CTNNA2: variants seen among roughly 807,000 people sequenced by gnomAD.
CTNNA2 encodes catenin alpha-2.
In CTNNA2, 42 loss-of-function variants were observed where a neutral mutation model predicts 101.0. The ratio of observed to expected loss-of-function variants is 0.42; its 90% CI spans 0.32 to 0.54. The LOEUF (loss-of-function observed/expected upper bound fraction) is 0.54, where lower values mean the gene tolerates loss of function less well. Ranked by LOEUF, CTNNA2 falls within the 20% of genes least tolerant of loss-of-function variation. The pLI is 0.14. For missense variants in CTNNA2, 871 were observed against 1,223.1 expected (o/e 0.71, Z 4.29); for synonymous variants, 450 against 456.4 (o/e 0.99, Z 0.18).
intron 9 of CTNNA2, among the ~76,000 whole-genome samples, chr2:80,536,509 A>G (rs1217183924): frequency 6.6e-6 from 1 of 152,228 alleles, no homozygotes; most frequent in African/African-American, 2.4e-5. Context: ...GTAAAAATTA[A>G]TGAAATGATT....
At chr2:79,664,832 C>T (rs1172647699) in intron 2 of CTNNA2, among the ~76,000 whole-genome samples, 1 of 151,432 alleles carries the variant, frequency 6.6e-6, no homozygotes, top group Non-Finnish European at 1.5e-5. Context: ...CTGCCTCAGC[C>T]TCCCAAGTAG....
At chr2:79,479,125 A>T (rs1014054532) in intron 4 of CTNNA2, among the ~76,000 whole-genome samples, 1 of 152,210 alleles carries the variant, frequency 6.6e-6, no homozygotes, top group Non-Finnish European at 1.5e-5. Context: ...TATTGATGTT[A>T]CCATCTTCCT....
intron 9 of CTNNA2, among the ~76,000 whole-genome samples, chr2:80,433,639 C>T (rs1574029905): frequency 1.3e-5 from 2 of 152,088 alleles, no homozygotes; most frequent in East Asian, 3.9e-4. Flanking sequence ...CCTGATGCAG[C>T]TCTAATTCAT....
At chr2:79,612,746 A>G (rs1678365549) in intron 1 of CTNNA2, among the ~76,000 whole-genome samples, 2 of 152,234 alleles carry the variant, frequency 1.3e-5, no homozygotes, top group South Asian at 2.1e-4. Flanking sequence ...CAATAGAAAA[A>G]TTACCTAGTA....
intron 4 of CTNNA2, among the ~76,000 whole-genome samples, chr2:79,377,233 C>T (rs1677988184): frequency 6.6e-6 from 1 of 152,084 alleles, no homozygotes; most frequent in Non-Finnish European, 1.5e-5. Context: ...GTATCAGGGC[C>T]AGTAGTGATG....
At chr2:80,624,040 G>T (rs1300244465) in intron 18 of CTNNA2, among the ~76,000 whole-genome samples, 1 of 151,940 alleles carries the variant, frequency 6.6e-6, no homozygotes, top group East Asian at 1.9e-4. Flanking sequence ...ACAAGAAACT[G>T]TAAACATTCA....
At chr2:80,186,051 A>G (rs1286528500) in intron 7 of CTNNA2, among the ~76,000 whole-genome samples, 1 of 152,130 alleles carries the variant, frequency 6.6e-6, no homozygotes, top group Admixed American at 6.6e-5. Flanking sequence ...CCCTTTGTGG[A>G]TGGCAAAGCC....
chr2:80,575,773 AACAC>A (rs963963067), intron 13 of CTNNA2, among the ~76,000 whole-genome samples: 1 of 151,452 alleles, frequency 6.6e-6, no homozygotes, highest in African/African-American at 2.4e-5. Context: ...CATGAGCTGT[AACAC>A]ACACACACAC....
intron 4 of CTNNA2, among the ~76,000 whole-genome samples, chr2:79,484,284 T>C (rs1671136279): frequency 6.6e-6 from 1 of 151,954 alleles, no homozygotes; most frequent in African/African-American, 2.4e-5. Flanking sequence ...ATTAATTAAT[T>C]AGTTAAATGT....
rs976730912 is a variant in CTNNA2 at position 80,545,214 on chromosome 2, T to C, written c.1383+140T>C. The C allele has an allele frequency of 1.3e-5, 10 of 791,984 alleles. 1 individual carries two copies. In the African/African-American group the frequency reaches 1.6e-4, roughly 12 times the overall value. 49.1% of individuals were successfully genotyped at this position (791,984 alleles called of 1,614,324 possible). ...TATGAGCTGTTTCAAGTTCTACCTTTCTCAGAAAGAATAAACCATACCAGT... is the reference window on the plus strand; with the variant it reads ...TATGAGCTGTTTCAAGTTCTACCTTCCTCAGAAAGAATAAACCATACCAGT... On this transcript the variant is annotated intron_variant, in intron 10 of 18. Coordinates refer to ENST00000402739, the MANE Select transcript of CTNNA2 (RefSeq NM_001282597.3).
At chr2:80,119,885 G>A (rs1171186881) in intron 7 of CTNNA2, among the ~76,000 whole-genome samples, 1 of 152,114 alleles carries the variant, frequency 6.6e-6, no homozygotes, top group East Asian at 1.9e-4. Flanking sequence ...TGCTAAACAA[G>A]GTTAAAATGT....
At position 79,472,872 on chromosome 2, in the gene CTNNA2, C is replaced by T. The variant is rs929640544; in HGVS notation, c.-134-32182C>T. On this transcript the variant is annotated intron_variant, in intron 4 of 21. Coordinates refer to the CTNNA2 transcript ENST00000466387. ...TTCAACAATTTGCTGAGAATTTTCA[C>T]CAGCTAAGTATCCAATTTAATTATG... Among the ~76,000 whole-genome samples, 5 of 152,264 alleles carry T rather than the reference C, an allele frequency of 3.3e-5. No homozygotes were observed. The South Asian group carries it at 1.0e-3, about 32-fold the overall frequency.
intron 3 of CTNNA2, among the ~76,000 whole-genome samples, chr2:79,775,375 T>C (rs1673884339): frequency 6.6e-6 from 1 of 152,222 alleles, no homozygotes; most frequent in African/African-American, 2.4e-5. Flanking sequence ...TTTGGCATCA[T>C]TGATATTAGC....
At chr2:80,567,053 T>C (rs1030142539) in intron 12 of CTNNA2, among the ~76,000 whole-genome samples, 1 of 151,370 alleles carries the variant, frequency 6.6e-6, no homozygotes, top group Non-Finnish European at 1.5e-5. Context: ...CACACACCTA[T>C]AAATACATAT....
At chr2:79,804,319 C>A (rs1252076996) in intron 3 of CTNNA2, among the ~76,000 whole-genome samples, 5 of 152,062 alleles carry the variant, frequency 3.3e-5, no homozygotes, top group Admixed American at 3.3e-4. Context: ...AATAAATCTA[C>A]CAGATGAAGG....
chr2:79,736,320 A>G (rs375342948), intron 2 of CTNNA2, among the ~76,000 whole-genome samples: 16 of 152,360 alleles, frequency 1.1e-4, no homozygotes, highest in African/African-American at 3.8e-4. Context: ...GGCACAAGCC[A>G]TATTTGCACT....
At chr2:80,230,826 C>G (rs1240059080) in intron 7 of CTNNA2, among the ~76,000 whole-genome samples, 1 of 152,128 alleles carries the variant, frequency 6.6e-6, no homozygotes, top group Non-Finnish European at 1.5e-5. Context: ...TACCTTTGTA[C>G]TTTTTATTCT....
intron 2 of CTNNA2, among the ~76,000 whole-genome samples, chr2:79,282,220 C>T (rs1235061655): frequency 6.6e-6 from 1 of 151,996 alleles, no homozygotes; most frequent in East Asian, 1.9e-4. Flanking sequence ...TTCTTTAAAT[C>T]TTTATAATCT....
intron 9 of CTNNA2, among the ~76,000 whole-genome samples, chr2:80,436,953 TC>T (rs1271264771): frequency 6.6e-6 from 1 of 152,156 alleles, no homozygotes; most frequent in Admixed American, 6.6e-5. Flanking sequence ...GAAACCTAAT[TC>T]CCAGAGTGAT....
Sources: allele counts gnomAD v4.1 joint callset (sites outside exome capture counted in the v4.1 genomes callset), GRCh38; gene constraint gnomAD v4.1.1; transcripts MANE v1.5; gene names NCBI Gene and HGNC (gene_info 2026-07-23, HGNC 2026-07-21).